Variants in XNDC1N observed in about 807,000 individuals in gnomAD.
XNDC1N encodes the protein protein XNDC1N.
chr11:71,900,601 A>T, the XNDC1N span, among the ~76,000 whole-genome samples: 34 of 152,326 alleles, frequency 2.2e-4, no homozygotes, highest in African/African-American at 7.7e-4. Flanking sequence ...CATCTCACTC[A>T]TGATAGCAGG....
the XNDC1N span, among the ~76,000 whole-genome samples, chr11:71,889,603 C>T: frequency 1.8e-4 from 27 of 152,288 alleles, no homozygotes; most frequent in African/African-American, 6.0e-4. Flanking sequence ...AACCACCCAT[C>T]GAGGTCAGGA....
chr11:71,907,196 G>T, the XNDC1N span, among the ~76,000 whole-genome samples: 1 of 152,074 alleles, frequency 6.6e-6, no homozygotes, highest in Non-Finnish European at 1.5e-5. Flanking sequence ...GTATACCCCC[G>T]GGACTCAAAC....
At chr11:71,917,795 G>C in the XNDC1N span, 2 of 702,948 alleles carry the variant, frequency 2.8e-6, no homozygotes, top group Non-Finnish European at 5.2e-6. Context: ...AAAAGGTTGA[G>C]AGAAGGATAA....
At chr11:71,918,777 C>T in the XNDC1N span, 3 of 638,906 alleles carry the variant, frequency 4.7e-6, no homozygotes, top group African/African-American at 5.4e-5. Context: ...AAACTTATTC[C>T]ATAAAGGCTG....
At chr11:71,914,244 A>G in the XNDC1N span, 2 of 455,420 alleles carry the variant, frequency 4.4e-6, no homozygotes, top group Admixed American at 2.4e-5. Context: ...ATAATTTACC[A>G]TCTTGGATGC....
the XNDC1N span, chr11:71,893,729 C>T: frequency 5.6e-6 from 7 of 1,260,550 alleles, no homozygotes; most frequent in Non-Finnish European, 7.6e-6. Flanking sequence ...GACATGCAGT[C>T]GCATAGCAGA....
the XNDC1N span, among the ~76,000 whole-genome samples, chr11:71,898,607 C>T: frequency 6.6e-6 from 1 of 152,044 alleles, no homozygotes; most frequent in Non-Finnish European, 1.5e-5. Flanking sequence ...ACTCTGTTTC[C>T]AAAACAAAAC....
the XNDC1N span, chr11:71,893,277 T>C: frequency 1.7e-5 from 8 of 476,128 alleles, no homozygotes; most frequent in East Asian, 2.9e-4. Context: ...AAGCCTTGTA[T>C]AGCAAAAAGT....
At chr11:71,885,585 G>A in the XNDC1N span, among the ~76,000 whole-genome samples, 1 of 152,050 alleles carries the variant, frequency 6.6e-6, no homozygotes, top group Admixed American at 6.6e-5. Flanking sequence ...CACCTACTGC[G>A]ATATTGAACG....
At chr11:71,918,098 C>G in the XNDC1N span, among the ~76,000 whole-genome samples, 1 of 152,206 alleles carries the variant, frequency 6.6e-6, no homozygotes, top group Admixed American at 6.5e-5. Context: ...TGCCTGACAT[C>G]TCTCTGTCCC....
chr11:71,893,785 C>T, the XNDC1N span: 2 of 1,102,094 alleles, frequency 1.8e-6, no homozygotes, highest in Non-Finnish European at 2.5e-6. Context: ...CTTCTTGCTC[C>T]TTTTTGCATG....
the XNDC1N span, among the ~76,000 whole-genome samples, chr11:71,887,975 G>A: frequency 7.2e-5 from 11 of 152,272 alleles, no homozygotes; most frequent in East Asian, 9.7e-4. Context: ...CACTTGGACC[G>A]GGCTTCCCCA....
At chr11:71,881,719 G>T in the XNDC1N span, among the ~76,000 whole-genome samples, 1 of 152,022 alleles carries the variant, frequency 6.6e-6, no homozygotes, top group Admixed American at 6.6e-5. Context: ...GAGGAAAACT[G>T]GTTAGCCCAT....
the XNDC1N span, among the ~76,000 whole-genome samples, chr11:71,902,972 A>G: frequency 0.032 from 4,921 of 152,316 alleles, 77 homozygotes; most frequent in East Asian, 0.078. Context: ...GTGTACAGCA[A>G]GACGTGAATA....
the XNDC1N span, among the ~76,000 whole-genome samples, chr11:71,872,581 A>T: frequency 6.6e-5 from 10 of 152,022 alleles, no homozygotes; most frequent in Admixed American, 5.9e-4. Context: ...AAAAAAAAAT[A>T]GCTGGGCGTG....
At chr11:71,925,106 A>G in the XNDC1N span, among the ~76,000 whole-genome samples, 1 of 151,742 alleles carries the variant, frequency 6.6e-6, no homozygotes, top group Non-Finnish European at 1.5e-5. Flanking sequence ...TGGTGCTCAA[A>G]TGTCACCTCT....
At chr11:71,907,483 C>G in the XNDC1N span, among the ~76,000 whole-genome samples, 2 of 151,194 alleles carry the variant, frequency 1.3e-5, no homozygotes, top group African/African-American at 4.9e-5. Flanking sequence ...CCCCCTGGCT[C>G]TTAGGATCCG....
At chr11:71,895,475 A>ATTT in the XNDC1N span, among the ~76,000 whole-genome samples, 404 of 98,310 alleles carry the variant, frequency 4.1e-3, no homozygotes, top group Non-Finnish European at 5.9e-3. Context: ...ATGCCTGGCT[A>ATTT]TTTTTTTTTT....
At chr11:71,905,010 A>C in the XNDC1N span, among the ~76,000 whole-genome samples, 1 of 152,048 alleles carries the variant, frequency 6.6e-6, no homozygotes, top group Non-Finnish European at 1.5e-5. Context: ...GGGGGTGCAC[A>C]TACATTGTGA....
Sources: allele counts gnomAD v4.1 joint callset (sites outside exome capture counted in the v4.1 genomes callset), GRCh38; gene constraint gnomAD v4.1.1; transcripts MANE v1.5; gene names NCBI Gene and HGNC (gene_info 2026-07-23, HGNC 2026-07-21).